The following SLC23A2 variants were observed in gnomAD, a reference collection of about 807,000 sequenced individuals.
The protein encoded by SLC23A2 is solute carrier family 23 member 2.
In SLC23A2, 36 loss-of-function variants were observed where a neutral mutation model predicts 73.3. The observed-to-expected ratio is 0.49, with a 90% confidence interval of 0.38 to 0.65. The LOEUF (loss-of-function observed/expected upper bound fraction) is 0.65. Ranked by LOEUF, SLC23A2 falls within the 30% of genes least tolerant of loss-of-function variation. The probability of loss-of-function intolerance (pLI) is 0.00; values close to 1 mark genes in which losing one functional copy is unlikely to be tolerated. For missense variants in SLC23A2, 507 were observed against 841.6 expected (o/e 0.60, Z 4.92); for synonymous variants, 343 against 327.3 (o/e 1.05, Z -0.52).
At chr20:4,924,196 C>T (rs188855942) in intron 3 of SLC23A2, among the ~76,000 whole-genome samples, 2 of 152,314 alleles carry the variant, frequency 1.3e-5, no homozygotes, top group East Asian at 3.9e-4. Flanking sequence ...GAAGCTCCTT[C>T]CAGGAGTCTC....
At chr20:5,010,078 G>C (rs1192626342) in intron 1 of SLC23A2, 1 of 144,138 alleles carries the variant, frequency 6.9e-6, no homozygotes, top group Admixed American at 7.1e-5. Context: ...CTGGGCGACA[G>C]AGTGAGACTC....
At chr20:4,905,843 C>G (rs534344898) in intron 4 of SLC23A2, among the ~76,000 whole-genome samples, 1 of 152,012 alleles carries the variant, frequency 6.6e-6, no homozygotes, top group Non-Finnish European at 1.5e-5. Flanking sequence ...AATAGGTAAA[C>G]AAAGAAATGT....
At chr20:4,963,111 C>T (rs1405281265) in intron 2 of SLC23A2, among the ~76,000 whole-genome samples, 3 of 152,200 alleles carry the variant, frequency 2.0e-5, no homozygotes, top group Non-Finnish European at 2.9e-5. Flanking sequence ...AATACTGCAA[C>T]ACCTGGAGAA....
chr20:4,951,920 C>T (rs1333456051), intron 2 of SLC23A2, among the ~76,000 whole-genome samples: 1 of 151,638 alleles, frequency 6.6e-6, no homozygotes, highest in East Asian at 1.9e-4. Context: ...CTGGCCAACA[C>T]AGTGAAATCC....
Position 4,947,569 on chromosome 20 carries a change from G to A in SLC23A2, c.-154-14853C>T, listed in dbSNP as rs969494961. 6.6e-6 allele frequency among the ~76,000 whole-genome samples: 1 copy of A among 152,144 alleles called. No individual in the cohort carries two copies. The highest frequency in any genetic ancestry group is 2.4e-5 in the African/African-American group (1 of 41,434). ...TGCATAATGAACTATCAAGTCCCAG[G>A]CACAAACATGGTTTCACTTAGCCCT... On this transcript the variant is annotated intron_variant, in intron 2 of 16. Coordinates refer to ENST00000338244, the MANE Select transcript of SLC23A2 (RefSeq NM_005116.6). This position sits in a 1 kb window ranked among gnomAD's most constrained non-coding sequence, Gnocchi z 4.4.
intron 15 of SLC23A2, among the ~76,000 whole-genome samples, chr20:4,859,654 C>T (rs1929880290): frequency 1.3e-5 from 2 of 152,076 alleles, no homozygotes; most frequent in Admixed American, 6.5e-5. Context: ...GGTGTTCACC[C>T]TACAACGAAC....
intron 13 of SLC23A2, among the ~76,000 whole-genome samples, chr20:4,866,987 T>C (rs757916018): frequency 7.5e-5 from 11 of 147,564 alleles, no homozygotes; most frequent in Non-Finnish European, 1.6e-4. Flanking sequence ...ACCTCCCAGT[T>C]GGGATCCCAT....
At chr20:5,007,406 G>A (rs1330783199) in intron 1 of SLC23A2, among the ~76,000 whole-genome samples, 3 of 151,874 alleles carry the variant, frequency 2.0e-5, no homozygotes, top group African/African-American at 2.4e-5. Context: ...TGACATACAC[G>A]TGTAGTCCCG....
intron 2 of SLC23A2, among the ~76,000 whole-genome samples, chr20:4,940,893 C>T (rs1048932573): frequency 2.0e-5 from 3 of 152,176 alleles, no homozygotes; most frequent in Admixed American, 6.5e-5. Context: ...CGGTGGCTCA[C>T]GCCTGTAATC....
chr20:4,881,541 A>G (rs1930883557), intron 9 of SLC23A2, among the ~76,000 whole-genome samples: 1 of 152,208 alleles, frequency 6.6e-6, no homozygotes, highest in Non-Finnish European at 1.5e-5. Flanking sequence ...CTATGTGCAC[A>G]GGCTTCCTCT....
chr20:5,003,761 T>C (rs1328220058), upstream of SLC23A2, among the ~76,000 whole-genome samples: 1 of 152,118 alleles, frequency 6.6e-6, no homozygotes, highest in African/African-American at 2.4e-5. Context: ...TGCCTTCCTC[T>C]GCCCAACCTC....
intron 1 of SLC23A2, among the ~76,000 whole-genome samples, chr20:5,007,449 T>C (rs1285615326): frequency 6.6e-6 from 1 of 152,144 alleles, no homozygotes; most frequent in African/African-American, 2.4e-5. Context: ...GAAAATCACT[T>C]GAACCTGGGA....
intron 3 of SLC23A2, among the ~76,000 whole-genome samples, chr20:4,928,016 G>A (rs978075125): frequency 8.6e-5 from 13 of 151,968 alleles, no homozygotes; most frequent in African/African-American, 2.2e-4. Context: ...GATTAAATAC[G>A]GGCAGTACTG....
Position 4,859,362 on chromosome 20 carries a change from C to T in SLC23A2, c.1647G>A (p.Val549=). The T allele has an allele frequency of 6.2e-7, 1 of 1,612,524 alleles. No homozygotes were observed. The highest frequency in any genetic ancestry group is 8.5e-7 in the Non-Finnish European group (1 of 1,178,648). The stretch of plus-strand genomic sequence containing the variant: ...TAGCAGTTGTGAGAAGGACGTTCAA[C>T]ACTTGATCGATTCCTGTTATCCCTA... ...LVTGITGIDQ[V]LNVLLTTAMF... Residue 549 remains valine, a synonymous_variant, in exon 16 of 17, where the codon GTG becomes GTA. Transcript: ENST00000338244.
intron 1 of SLC23A2, among the ~76,000 whole-genome samples, chr20:4,977,698 C>CA (rs1045238895): frequency 0.019 from 1,451 of 77,096 alleles, 25 homozygotes; most frequent in African/African-American, 0.057. Flanking sequence ...ACTCTGTCCC[C>CA]AAAAAAAAAA....
intron 1 of SLC23A2, among the ~76,000 whole-genome samples, chr20:5,009,388 C>T (rs987532997): frequency 3.9e-5 from 6 of 152,148 alleles, no homozygotes; most frequent in African/African-American, 7.2e-5. Context: ...GAAAGTCCCA[C>T]CTTGGCCTCT....
intron 1 of SLC23A2, among the ~76,000 whole-genome samples, chr20:4,997,365 C>G (rs1018690612): frequency 6.6e-6 from 1 of 152,126 alleles, no homozygotes; most frequent in Non-Finnish European, 1.5e-5. Flanking sequence ...CTCCCCTCCT[C>G]CTGCCTCAGG....
At chr20:5,004,699 T>G (rs907308152), upstream of SLC23A2, among the ~76,000 whole-genome samples, 9 of 151,080 alleles carry the variant, frequency 6.0e-5, no homozygotes, top group East Asian at 1.5e-3. Context: ...AATAAATAAA[T>G]TAATTAATTA....
At chr20:4,984,993 T>C (rs2087800031) in intron 1 of SLC23A2, among the ~76,000 whole-genome samples, 1 of 151,930 alleles carries the variant, frequency 6.6e-6, no homozygotes, top group African/African-American at 2.4e-5. Flanking sequence ...AAAAATTAGC[T>C]GGGCGTGGTG....
Sources: gnomAD v4.1 joint callset for allele counts (sites outside exome capture counted in the v4.1 genomes callset) on GRCh38, gnomAD v4.1.1 for gene constraint, Gnocchi (gnomAD v3.1) non-coding constraint, MANE v1.5 for transcripts, NCBI Gene and HGNC (gene_info 2026-07-23, HGNC 2026-07-21) for gene names.